CCNE2: variants seen among roughly 807,000 people sequenced by gnomAD.
The protein encoded by CCNE2 is G1/S-specific cyclin-E2.
CCNE2 carries 18 observed loss-of-function variants against 56.8 expected under a neutral mutation model. The ratio of observed to expected loss-of-function variants is 0.32; its 90% CI spans 0.22 to 0.47. The LOEUF (loss-of-function observed/expected upper bound fraction) is 0.47. CCNE2 is among the 20% of genes least tolerant of loss of function. The pLI is 1.00. For synonymous variants in CCNE2, 139 were observed against 149.2 expected (o/e 0.93, Z 0.50); for missense variants, 371 against 467.1 (o/e 0.79, Z 1.90).
At chr8:94,888,115 T>C (rs1286603645) in intron 6 of CCNE2, 42 bp from the exon 7 acceptor site, 1 of 1,400,002 alleles carries the variant, frequency 7.1e-7, no homozygotes, top group Non-Finnish European at 9.7e-7. Flanking sequence ...CTTCTGAATT[T>C]CTCCAAATTA....
At chr8:94,883,953 A>G (rs1586546403) in intron 9 of CCNE2, 1 of 455,664 alleles carries the variant, frequency 2.2e-6, no homozygotes, top group East Asian at 6.9e-5. Context: ...TTACTGTTAT[A>G]TACCTCTAGA....
chr8:94,891,774 G>A, intron 5 of CCNE2: 1 of 1,362,118 alleles, frequency 7.3e-7, no homozygotes, highest in Non-Finnish European at 1.0e-6. Flanking sequence ...CCCAGGCCAA[G>A]CAGTGGGACT....
chr8:94,891,259 C>T (rs953638248), intron 5 of CCNE2: 3 of 197,876 alleles, frequency 1.5e-5, no homozygotes, highest in Non-Finnish European at 3.3e-5. Flanking sequence ...ATTCACTTTA[C>T]CTGGAAAACC....
At chr8:94,893,975 A>G in intron 3 of CCNE2, 31 bp from the exon 4 acceptor site, 1 of 1,613,838 alleles carries the variant, frequency 6.2e-7, no homozygotes, top group Non-Finnish European at 8.5e-7. Context: ...TTGGTAAACT[A>G]AAGTCCCAGC....
chr8:94,881,368 T>TCG lies in CCNE2; in HGVS notation c.*263_*264insCG. The TCG allele has an allele frequency of 2.0e-6, 1 of 501,666 alleles. No homozygotes were observed. The highest frequency in any genetic ancestry group is 3.5e-6 in the Non-Finnish European group (1 of 284,126). 31.1% of individuals were successfully genotyped at this position (501,666 alleles called of 1,614,324 possible). A position where few individuals can be genotyped will look rare whatever the true frequency, so the allele number is the denominator to read the frequency against. Reference sequence around the variant, plus strand: ...GGAAAAACATTGCTATGGTATAGACTGTGGTTGGCTTCTATCCAGTAACCT... The same window carrying TCG: ...GGAAAAACATTGCTATGGTATAGACTCGGTGGTTGGCTTCTATCCAGTAACCT... On this transcript the variant is annotated 3_prime_UTR_variant, in exon 12 of 12. Coordinates refer to ENST00000308108, the MANE Select transcript of CCNE2 (RefSeq NM_057749.3).
In CCNE2 at chr8:94,894,019, T is replaced by A. The variant is rs1428008634; in HGVS notation, c.111+4A>T. 1 of 1,613,964 alleles carries A rather than the reference T, an allele frequency of 6.2e-7. No homozygotes were observed. The highest frequency in any genetic ancestry group is 1.1e-5 in the South Asian group (1 of 91,076). On this transcript the variant is annotated splice_donor_region_variant and intron_variant, in intron 3 of 11. Coordinates refer to ENST00000308108, the MANE Select transcript of CCNE2 (RefSeq NM_057749.3). ...TCGTTCCTCCCTCTTTCTCCTTAAA[T>A]CACCTGGGTAGTTTTCCTCTTCTTG...
intron 5 of CCNE2, chr8:94,891,218 G>T: frequency 6.1e-6 from 1 of 164,290 alleles, no homozygotes. Context: ...TCCCATAAGT[G>T]GTCTGAAGTA....
At chr8:94,885,289 C>T in intron 8 of CCNE2, 88 bp from the exon 9 acceptor site, 1 of 1,265,414 alleles carries the variant, frequency 7.9e-7, no homozygotes, top group East Asian at 2.3e-5. Context: ...AAGTACATTC[C>T]CCATCCAACC....
Position 94,888,042 on chromosome 8 carries a change from G to GT in CCNE2, c.484dup (p.Thr162AsnfsTer10). ...AAAAAAGTCTTGTGCAAGATAAAATGTTTCCCTATGAAGTGTGTATACTTC... is the reference window on the plus strand; with the variant it reads ...AAAAAAGTCTTGTGCAAGATAAAATGTTTTCCCTATGAAGTGTGTATACTTC... On this transcript the variant is annotated frameshift_variant, in exon 7 of 12. Transcript: ENST00000308108. LOFTEE classifies it high-confidence loss of function. 1 of 1,588,464 alleles carries GT rather than the reference G, an allele frequency of 6.3e-7. No individual in the cohort carries two copies. Among genetic ancestry groups the GT allele is most frequent in the Non-Finnish European group, 8.6e-7 (1 of 1,166,254 alleles).
chr8:94,895,066 A>T, intron 1 of CCNE2, 111 bp downstream of exon 1: 3 of 485,980 alleles, frequency 6.2e-6, no homozygotes, highest in Non-Finnish European at 8.0e-6. Flanking sequence ...CCAGTCGTCT[A>T]GTTCTCAGCC....
chr8:94,890,588 T>TAC, intron 5 of CCNE2, 38 bp from the exon 6 acceptor site: 1 of 559,344 alleles, frequency 1.8e-6, no homozygotes, highest in Non-Finnish European at 2.2e-6. Flanking sequence ...TATATATATA[T>TAC]ATATTTTTTT....
At position 94,881,693 on chromosome 8, in the gene CCNE2, A is replaced by C; in HGVS notation, c.1154T>G (p.Val385Gly). The change falls in exon 12 of 12, where the codon GTG becomes GGG. Residue 385 changes from valine to glycine, a missense_variant. Coordinates refer to ENST00000308108, the MANE Select transcript of CCNE2 (RefSeq NM_057749.3). ...TFRKGGQLSP[V>G]CNGGIMTPPK... The stretch of plus-strand genomic sequence containing the variant: ...TGGTGTCATAATGCCTCCATTGCAC[A>C]CTGGTGACAACTGTCCCCCTTTTCT... 1 of 1,613,882 alleles carries C rather than the reference A, an allele frequency of 6.2e-7. No individual in the cohort carries two copies. The highest frequency in any genetic ancestry group is 8.5e-7 in the Non-Finnish European group (1 of 1,179,868).
chr8:94,895,421 C>T (rs975913933), upstream of CCNE2, among the ~76,000 whole-genome samples: 1 of 152,158 alleles, frequency 6.6e-6, no homozygotes, highest in African/African-American at 2.4e-5. Flanking sequence ...CTCCACGGCG[C>T]GGCCGGCGGC....
intron 6 of CCNE2, among the ~76,000 whole-genome samples, chr8:94,889,756 T>A (rs1008578082): frequency 2.6e-5 from 4 of 152,184 alleles, no homozygotes; most frequent in Admixed American, 6.5e-5. Context: ...GTCATCAACA[T>A]AAGTAATGAT....
Position 94,885,648 on chromosome 8 carries a change from A to C in CCNE2, c.601-90T>G. 5 of 612,830 alleles carry C rather than the reference A, an allele frequency of 8.2e-6. No homozygotes were observed. In the South Asian group the frequency reaches 1.4e-4, roughly 17 times the overall value. 38.0% of individuals were successfully genotyped at this position (612,830 alleles called of 1,614,324 possible). A position where few individuals can be genotyped will look rare whatever the true frequency, so the allele number is the denominator to read the frequency against. On this transcript the variant is annotated intron_variant, in intron 7 of 11. Transcript: ENST00000308108. ...TCTACAATGGGGTTACATCCCAATAAACCAAAATATCATTTAAGTAGAAAG... is the reference window on the plus strand; with the variant it reads ...TCTACAATGGGGTTACATCCCAATACACCAAAATATCATTTAAGTAGAAAG...
Position 94,880,297 on chromosome 8 carries a change from G to GTTTTAAACA in CCNE2, c.*1334_*1335insTGTTTAAAA. The GTTTTAAACA allele has an allele frequency of 1.2e-6, 1 of 864,200 alleles. No individual in the cohort carries two copies. The highest frequency in any genetic ancestry group is 1.8e-6 in the Non-Finnish European group (1 of 543,540). 53.5% of individuals were successfully genotyped at this position (864,200 alleles called of 1,614,324 possible). On this transcript the variant is annotated 3_prime_UTR_variant, in exon 12 of 12. Coordinates refer to ENST00000308108, the MANE Select transcript of CCNE2 (RefSeq NM_057749.3). The stretch of plus-strand genomic sequence containing the variant: ...GGGCTAAAAATAAACAGTATTAAAA[G>GTTTTAAACA]GTTAAGTTTATATAATACATATGTA...
At chr8:94,885,226 C>G in intron 8 of CCNE2, 25 bp from the exon 9 acceptor site, 5 of 1,608,552 alleles carry the variant, frequency 3.1e-6, no homozygotes, top group Non-Finnish European at 4.3e-6. Context: ...TTAAAAATGC[C>G]TGTTAATGAA....
Position 94,894,245 on chromosome 8 carries a change from C to T in CCNE2, c.-24G>A, listed in dbSNP as rs754963805. On this transcript the variant is annotated splice_region_variant and 5_prime_UTR_variant, in exon 2 of 12. Coordinates refer to ENST00000308108, the MANE Select transcript of CCNE2 (RefSeq NM_057749.3). Reference sequence around the variant, plus strand: ...ATTCTCTTCTTTCAGGTGTATAAAACCTCTGAAGGGGGGAGAGGAAAAGCC... The same window carrying T: ...ATTCTCTTCTTTCAGGTGTATAAAATCTCTGAAGGGGGGAGAGGAAAAGCC... 2 of 1,613,512 alleles carry T rather than the reference C, an allele frequency of 1.2e-6. No homozygotes were observed. Among genetic ancestry groups the T allele is most frequent in the East Asian group, 4.5e-5 (2 of 44,892 alleles).
Position 94,885,140 on chromosome 8 carries a change from A to T in CCNE2, c.758T>A (p.Val253Asp). The T allele has an allele frequency of 1.9e-6, 3 of 1,613,482 alleles. No individual in the cohort carries two copies. The highest frequency in any genetic ancestry group is 1.3e-5 in the African/African-American group (1 of 75,044). ...IISWLNLFLQ[V>D]DALKDAPKVL... ...TTTAGGAGCATCTTTAAGAGCATCA[A>T]CTTGGAGAAAGAGATTTAGCCAGGA... Residue 253 changes from valine to aspartate, a missense_variant, in exon 9 of 12, where the codon GTT (valine) becomes GAT (aspartate). Transcript: ENST00000308108.
Sources: gnomAD v4.1 joint callset for allele counts (sites outside exome capture counted in the v4.1 genomes callset) on GRCh38, gnomAD v4.1.1 for gene constraint, MANE v1.5 for transcripts, NCBI Gene and HGNC (gene_info 2026-07-23, HGNC 2026-07-21) for gene names.